Variants in TTC6 observed in about 807,000 individuals in gnomAD.
TTC6 encodes the protein tetratricopeptide repeat domain 6, also known as tetratricopeptide repeat protein 6.
Under a neutral mutation model 210.4 loss-of-function variants are expected in TTC6, and 172 were observed. That is an observed-to-expected ratio of 0.82 (90% CI 0.72 to 0.93). The LOEUF (loss-of-function observed/expected upper bound fraction) is 0.93. Among genes scored for constraint, TTC6 ranks in the 40% least tolerant of loss-of-function variants. TTC6 has a pLI of 0.00. For missense variants in TTC6, 2,414 were observed against 2,318.1 expected, an observed-to-expected ratio of 1.04 and a Z score of -0.85; for synonymous variants, 804 against 819.6, an observed-to-expected ratio of 0.98 and a Z score of 0.32.
At chr14:37,773,719 A>G (rs997625650) in intron 14 of TTC6, among the ~76,000 whole-genome samples, 3 of 152,158 alleles carry the variant, frequency 2.0e-5, no homozygotes, top group Non-Finnish European at 4.4e-5. Flanking sequence ...CCTTTTGCTT[A>G]GAATTGCCTT....
chr14:37,640,193 A>T (rs1044007331), intron 1 of TTC6, among the ~76,000 whole-genome samples: 3 of 152,016 alleles, frequency 2.0e-5, no homozygotes, highest in African/African-American at 7.2e-5. Flanking sequence ...AATTTATTAT[A>T]GAATGCATGT....
chr14:37,714,658 A>T (rs2095849635), exon 6 of TTC6: 1 of 1,534,848 alleles, frequency 6.5e-7, no homozygotes, highest in African/African-American at 1.4e-5. Flanking sequence ...ATTGTAGAAT[A>T]TTGTATGGAA....
At chr14:37,709,530 G>A (rs906185070) in intron 5 of TTC6, among the ~76,000 whole-genome samples, 3 of 151,906 alleles carry the variant, frequency 2.0e-5, no homozygotes, top group Non-Finnish European at 4.4e-5. Context: ...TACCCAAAAA[G>A]GAATTATTTG....
intron 7 of TTC6, among the ~76,000 whole-genome samples, chr14:37,728,916 C>A (rs1316407180): frequency 6.6e-6 from 1 of 152,176 alleles, no homozygotes; most frequent in Non-Finnish European, 1.5e-5. Flanking sequence ...CTCCAGTTCT[C>A]TTCTCCCTGA....
chr14:37,615,510 A>G (rs938807821), intron 2 of TTC6, among the ~76,000 whole-genome samples: 11 of 151,908 alleles, frequency 7.2e-5, no homozygotes, highest in African/African-American at 2.7e-4. Context: ...ATTTCTGTGC[A>G]TTTATCTTTA....
chr14:37,787,336 C>T lies in TTC6; in HGVS notation c.3267-132C>T, dbSNP rs979626901. On this transcript the variant is annotated intron_variant, in intron 14 of 30. Transcript: ENST00000553443. ...ATCATTTTTGCTGTTAACATCATGA[C>T]TAAACTCTCTTGTGAAGCAAGGAGA... The T allele has an allele frequency of 4.2e-5, 28 of 670,242 alleles. No homozygotes were observed. In the African/African-American group the frequency reaches 4.5e-4, roughly 11 times the overall value. The allele number at this position is 670,242 out of a possible 1,614,324, so 41.5% of individuals were successfully genotyped here. A position where few individuals can be genotyped will look rare whatever the true frequency, so the allele number is the denominator to read the frequency against.
At chr14:37,603,355 G>A (rs906914501) in intron 1 of TTC6, among the ~76,000 whole-genome samples, 1 of 152,172 alleles carries the variant, frequency 6.6e-6, no homozygotes, top group African/African-American at 2.4e-5. Context: ...ATGAGAGTCA[G>A]CCCTGACGAC....
At chr14:37,720,353 A>G (rs1956337750) in intron 6 of TTC6, 1 of 152,070 alleles carries the variant, frequency 6.6e-6, no homozygotes, top group African/African-American at 2.4e-5. Flanking sequence ...CAACCCAGCA[A>G]TTGCATGCCT....
At position 37,667,403 on chromosome 14, in the gene TTC6, C is replaced by T. The variant is rs573658190; in HGVS notation, c.940-12748C>T. The stretch of plus-strand genomic sequence containing the variant: ...TGGAGACAGATCAGAGAGATGGAAT[C>T]GCACCCTTTCCCAGAAGACCAAGGT... On this transcript the variant is annotated intron_variant, in intron 1 of 30. Coordinates refer to ENST00000553443, the Ensembl canonical transcript of TTC6. Among the ~76,000 whole-genome samples the T allele has an allele frequency of 4.6e-5, 7 of 150,614 alleles. 1 individual carries two copies. The highest frequency in any genetic ancestry group is 4.2e-4 in the South Asian group (2 of 4,730).
At chr14:37,631,912 G>A (rs1486498771) in intron 1 of TTC6, among the ~76,000 whole-genome samples, 1 of 151,984 alleles carries the variant, frequency 6.6e-6, no homozygotes, top group Admixed American at 6.6e-5. Flanking sequence ...TTTGGGTATT[G>A]ATACTTGTTT....
At chr14:37,755,177 A>G (rs923860941) in intron 14 of TTC6, among the ~76,000 whole-genome samples, 1 of 151,980 alleles carries the variant, frequency 6.6e-6, no homozygotes, top group African/African-American at 2.4e-5. Flanking sequence ...GGCTTCATAA[A>G]TGTCTTCTTT....
chr14:37,610,111 C>A (rs1468353739), intron 2 of TTC6, among the ~76,000 whole-genome samples: 6 of 152,126 alleles, frequency 3.9e-5, no homozygotes, highest in Non-Finnish European at 8.8e-5. Flanking sequence ...AGCAACTGGC[C>A]CACATGGTAA....
Position 37,812,576 on chromosome 14 carries a change from G to A in TTC6, c.4689+143G>A, listed in dbSNP as rs2096132034. ...AGAATTCTATTAAAATACTTGAAATGACTAATAGGCTCTTTGAAAAAATGT... is the reference window on the plus strand; with the variant it reads ...AGAATTCTATTAAAATACTTGAAATAACTAATAGGCTCTTTGAAAAAATGT... On this transcript the variant is annotated intron_variant, in intron 25 of 30. Transcript: ENST00000553443. 8 of 758,796 alleles carry A rather than the reference G, an allele frequency of 1.1e-5. No homozygotes were observed. The East Asian group carries it at 2.2e-4, about 21-fold the overall frequency. 47.0% of individuals were successfully genotyped at this position (758,796 alleles called of 1,614,324 possible).
intron 29 of TTC6, among the ~76,000 whole-genome samples, chr14:37,834,581 G>GT (rs547923860): frequency 2.6e-5 from 4 of 151,732 alleles, no homozygotes; most frequent in Non-Finnish European, 4.4e-5. Context: ...AAATCATGAA[G>GT]TTTTTTTTAT....
At chr14:37,645,817 C>T (rs2095700588) in intron 1 of TTC6, among the ~76,000 whole-genome samples, 1 of 152,160 alleles carries the variant, frequency 6.6e-6, no homozygotes, top group Non-Finnish European at 1.5e-5. Flanking sequence ...CAGTGGTTCT[C>T]AGTACTATCA....
intron 8 of TTC6, among the ~76,000 whole-genome samples, chr14:37,736,414 T>C (rs1405153054): frequency 1.3e-5 from 2 of 152,200 alleles, no homozygotes; most frequent in Admixed American, 1.3e-4. Flanking sequence ...AGTGCTATCC[T>C]TGCTGAAGAT....
At chr14:37,796,303 T>C (rs1290934618) in exon 19 of TTC6, 1 of 1,282,352 alleles carries the variant, frequency 7.8e-7, no homozygotes, top group Non-Finnish European at 1.1e-6. Flanking sequence ...GAGGACAATA[T>C]CTTCTTATGA....
intron 3 of TTC6, among the ~76,000 whole-genome samples, chr14:37,694,784 G>A (rs2095811437): frequency 1.3e-5 from 2 of 152,112 alleles, no homozygotes; most frequent in East Asian, 1.9e-4. Flanking sequence ...GTTCATTCCT[G>A]TAATCCCAAT....
At chr14:37,752,411 GC>G (rs2095954990) in intron 13 of TTC6, among the ~76,000 whole-genome samples, 1 of 151,870 alleles carries the variant, frequency 6.6e-6, no homozygotes, top group Admixed American at 6.6e-5. Context: ...TTTTGAAGAT[GC>G]TGAAATTGTT....
Sources: gnomAD v4.1 joint callset for allele counts (sites outside exome capture counted in the v4.1 genomes callset) on GRCh38, gnomAD v4.1.1 for gene constraint, MANE v1.5 for transcripts, NCBI Gene and HGNC (gene_info 2026-07-23, HGNC 2026-07-21) for gene names.